The following TACR1 variants were observed in gnomAD, a reference collection of about 807,000 sequenced individuals.
The protein encoded by TACR1 is substance-P receptor.
In TACR1, 25 loss-of-function variants were observed where a neutral mutation model predicts 35.8. The observed-to-expected ratio is 0.70, with a 90% confidence interval of 0.51 to 0.98. The LOEUF (loss-of-function observed/expected upper bound fraction) is 0.98, where lower values mean the gene tolerates loss of function less well. TACR1 is among the 50% of genes least tolerant of loss of function. The pLI, the probability that TACR1 is intolerant of heterozygous loss-of-function variation, is 0.00. For synonymous variants in TACR1, 195 were observed against 206.7 expected (o/e 0.94, Z 0.48); for missense variants, 478 against 522.9 (o/e 0.91, Z 0.84).
At chr2:75,153,933 T>C (rs527797225) in intron 1 of TACR1, among the ~76,000 whole-genome samples, 10 of 152,354 alleles carry the variant, frequency 6.6e-5, no homozygotes, top group African/African-American at 2.4e-4. Context: ...GGCAGCACTA[T>C]TGAGCTTTAT....
intron 2 of TACR1, among the ~76,000 whole-genome samples, chr2:75,073,122 C>G (rs1445226368): frequency 2.0e-5 from 3 of 152,188 alleles, no homozygotes; most frequent in Non-Finnish European, 2.9e-5. Context: ...AATAGGGACC[C>G]GGTGTTTGGA....
chr2:75,079,400 A>C (rs1307543091), intron 2 of TACR1, among the ~76,000 whole-genome samples: 1 of 152,094 alleles, frequency 6.6e-6, no homozygotes, highest in East Asian at 1.9e-4. Context: ...CCCCAAACCC[A>C]GTTACTTTCT....
At chr2:75,148,990 A>G (rs1231051804) in intron 1 of TACR1, among the ~76,000 whole-genome samples, 2 of 152,154 alleles carry the variant, frequency 1.3e-5, no homozygotes, top group Non-Finnish European at 2.9e-5. Flanking sequence ...TCCTTTCTCC[A>G]TTGCTTGTTT....
intron 2 of TACR1, among the ~76,000 whole-genome samples, chr2:75,105,869 G>A (rs370147912): frequency 2.0e-5 from 3 of 151,892 alleles, no homozygotes; most frequent in African/African-American, 7.2e-5. Flanking sequence ...AACTATCAAA[G>A]ACATCACAAA....
At chr2:75,166,445 A>G (rs1675144804) in intron 1 of TACR1, among the ~76,000 whole-genome samples, 1 of 152,236 alleles carries the variant, frequency 6.6e-6, no homozygotes, top group South Asian at 2.1e-4. Flanking sequence ...TCAATAAAAT[A>G]GTATAATCAA....
intron 1 of TACR1, among the ~76,000 whole-genome samples, chr2:75,152,735 T>C (rs1572960801): frequency 1.3e-5 from 2 of 152,196 alleles, no homozygotes; most frequent in East Asian, 3.9e-4. Flanking sequence ...AACAGGTGTA[T>C]AGATCACAGC....
chr2:75,106,514 T>G (rs1673647165), intron 2 of TACR1, among the ~76,000 whole-genome samples: 1 of 152,000 alleles, frequency 6.6e-6, no homozygotes. Context: ...ACTTTGAGAA[T>G]GCTGACATAT....
intron 1 of TACR1, among the ~76,000 whole-genome samples, chr2:75,164,187 C>T (rs143921687): frequency 0.09 from 13,686 of 151,760 alleles, 796 homozygotes; most frequent in South Asian, 0.2. Context: ...ATTAGCCAGG[C>T]GTGGTGGCGG....
At position 75,120,787 on chromosome 2, in the gene TACR1, A is replaced by T. The variant is rs1230505356; in HGVS notation, c.390-19T>A. 1 of 1,580,012 alleles carries T rather than the reference A, an allele frequency of 6.3e-7. No homozygotes were observed. Among genetic ancestry groups the T allele is most frequent in the Non-Finnish European group, 8.6e-7 (1 of 1,162,518 alleles). On this transcript the variant is annotated intron_variant, in intron 1 of 4. Coordinates refer to ENST00000305249, the MANE Select transcript of TACR1 (RefSeq NM_001058.4). The stretch of plus-strand genomic sequence containing the variant: ...CATGTACCTGGAACAGAGAAGAAAG[A>T]ACAAAGTTCTGATCTGGTCACCAAA...
At chr2:75,141,265 A>G (rs1674395779) in intron 1 of TACR1, among the ~76,000 whole-genome samples, 1 of 152,200 alleles carries the variant, frequency 6.6e-6, no homozygotes, top group Non-Finnish European at 1.5e-5. Flanking sequence ...CCAACTCATA[A>G]CAGGACCCAC....
intron 2 of TACR1, among the ~76,000 whole-genome samples, chr2:75,061,095 A>G (rs935818299): frequency 4.6e-5 from 7 of 151,996 alleles, no homozygotes; most frequent in African/African-American, 1.7e-4. Context: ...GGGAGTCCTC[A>G]TGTGTCCAAA....
intron 2 of TACR1, among the ~76,000 whole-genome samples, chr2:75,088,157 G>A (rs1206226521): frequency 6.6e-6 from 1 of 152,140 alleles, no homozygotes; most frequent in Non-Finnish European, 1.5e-5. Context: ...TGCTTTGCCT[G>A]ACCTGCTCCT....
At chr2:75,196,845 A>C (rs1676007369) in intron 1 of TACR1, among the ~76,000 whole-genome samples, 1 of 151,254 alleles carries the variant, frequency 6.6e-6, no homozygotes, top group African/African-American at 2.4e-5. Context: ...AACAAACAAA[A>C]CCCCCCAAAA....
chr2:75,120,438 ATAT>A, intron 2 of TACR1, 133 bp downstream of exon 2: 1 of 724,684 alleles, frequency 1.4e-6, no homozygotes, highest in Non-Finnish European at 2.2e-6. Context: ...ATATGAGGGT[ATAT>A]GTGAGAAATG....
In TACR1 at chr2:75,198,993, C is replaced by G; in HGVS notation, c.-59G>C. 6.4e-7 allele frequency: 1 copy of G among 1,569,706 alleles called. No individual in the cohort carries two copies. The highest frequency in any genetic ancestry group is 2.3e-5 in the East Asian group (1 of 44,172). On this transcript the variant is annotated 5_prime_UTR_variant, in exon 1 of 5. Transcript: ENST00000305249. ...ACACAACCCCCCTCTGCAGCAGAGT[C>G]CTGTGGCTGGCGCCTGGGGCTCAGG...
rs80150736 is a variant in TACR1, at chr2:75,088,739, A to T, written c.584+31835T>A. ...TGTGGGGTGATGGGGGTTTAGGCGGATCGGTGACAAGGAAGGGGGATGGTA... is the reference window on the plus strand; with the variant it reads ...TGTGGGGTGATGGGGGTTTAGGCGGTTCGGTGACAAGGAAGGGGGATGGTA... On this transcript the variant is annotated intron_variant, in intron 2 of 4. Transcript: ENST00000305249. Among the ~76,000 whole-genome samples the T allele has an allele frequency of 6.5e-3, 987 of 152,130 alleles. 12 individuals are homozygous for T. The highest frequency in any genetic ancestry group is 0.023 in the African/African-American group (935 of 41,496).
At chr2:75,057,525 G>A (rs1346870328) in intron 2 of TACR1, among the ~76,000 whole-genome samples, 1 of 152,228 alleles carries the variant, frequency 6.6e-6, no homozygotes, top group African/African-American at 2.4e-5. Flanking sequence ...TGACATGTGC[G>A]ACAACATGGA....
intron 1 of TACR1, among the ~76,000 whole-genome samples, chr2:75,149,686 CAGA>C: frequency 6.6e-6 from 1 of 152,256 alleles, no homozygotes; most frequent in African/African-American, 2.4e-5. Context: ...CATCTGCGAA[CAGA>C]GACAATTTGA....
At chr2:75,051,531 G>C (rs1271522128) in intron 3 of TACR1, 84 bp from the exon 4 acceptor site, 3 of 1,573,878 alleles carry the variant, frequency 1.9e-6, no homozygotes, top group African/African-American at 2.7e-5. Context: ...CGCCCTCACT[G>C]TGCACAGTAT....
Sources: allele counts gnomAD v4.1 joint callset (sites outside exome capture counted in the v4.1 genomes callset), GRCh38; gene constraint gnomAD v4.1.1; transcripts MANE v1.5; gene names NCBI Gene and HGNC (gene_info 2026-07-23, HGNC 2026-07-21).